PDZD8: variants seen among roughly 807,000 people sequenced by gnomAD.
PDZD8 encodes the protein PDZ domain containing 8, also known as PDZ domain-containing protein 8.
In PDZD8, 14 loss-of-function variants were observed where a neutral mutation model predicts 85.8. The observed-to-expected ratio is 0.16, with a 90% CI of 0.11 to 0.26. The LOEUF is 0.26. Among genes scored for constraint, PDZD8 ranks in the 10% least tolerant of loss-of-function variants. The pLI is 1.00. For missense variants in PDZD8, 1,197 were observed against 1,424.3 expected, an observed-to-expected ratio of 0.84 and a Z score of 2.57; for synonymous variants, 592 against 568.6, an observed-to-expected ratio of 1.04 and a Z score of -0.59.
chr10:117,277,548 A>G lies in PDZD8; in HGVS notation c.*5720T>C, dbSNP rs565650958. On this transcript the variant is annotated 3_prime_UTR_variant, in exon 5 of 5. Coordinates refer to ENST00000334464, the MANE Select transcript of PDZD8 (RefSeq NM_173791.5). ...ATTTTGATGAAATAGGTATTGTGTA[A>G]ATCTATAAATATTTGAATCCAAACC... is the stretch of plus-strand genomic sequence containing the variant. The G allele has an allele frequency of 4.2e-4, 79 of 186,846 alleles. 1 individual carries two copies. Among genetic ancestry groups the G allele is most frequent in the Non-Finnish European group, 5.6e-4 (51 of 91,170 alleles). 11.6% of individuals were successfully genotyped at this position (186,846 alleles called of 1,614,324 possible). A position where few individuals can be genotyped will look rare whatever the true frequency, so the allele number is the denominator to read the frequency against.
intron 1 of PDZD8, among the ~76,000 whole-genome samples, chr10:117,351,605 A>G (rs902600755): frequency 2.0e-5 from 3 of 152,204 alleles, no homozygotes; most frequent in African/African-American, 4.8e-5. Flanking sequence ...TTCACTTTGT[A>G]GACATTCATG....
Position 117,357,130 on chromosome 10 carries a change from C to T in PDZD8, c.873-16028G>A, listed in dbSNP as rs117394021. Among the ~76,000 whole-genome samples the T allele has an allele frequency of 7.7e-3, 1,176 of 152,340 alleles. 6 individuals are homozygous for T. The highest frequency in any genetic ancestry group is 0.014 in the Admixed American group (209 of 15,306). On this transcript the variant is annotated intron_variant, in intron 1 of 4. Transcript: ENST00000334464. ...AATCAGGTCTGGGCACGGTGGCTTACGCCTGTAATCCCAGCACTTTGGAAG... is the reference window on the plus strand; with the variant it reads ...AATCAGGTCTGGGCACGGTGGCTTATGCCTGTAATCCCAGCACTTTGGAAG...
chr10:117,367,501 A>G (rs1188808079), intron 1 of PDZD8, among the ~76,000 whole-genome samples: 1 of 152,254 alleles, frequency 6.6e-6, no homozygotes. Flanking sequence ...TAGAGCAAAG[A>G]TGTAATGTAT....
intron 1 of PDZD8, among the ~76,000 whole-genome samples, chr10:117,365,329 C>G (rs1468433143): frequency 6.6e-6 from 1 of 152,138 alleles, no homozygotes; most frequent in Middle Eastern, 3.4e-3. Flanking sequence ...ACTCAAGATA[C>G]AGTAAGTTTT....
Position 117,316,509 on chromosome 10 carries a change from C to T in PDZD8, c.1098+2363G>A, listed in dbSNP as rs528022537. On this transcript the variant is annotated intron_variant, in intron 3 of 4. Coordinates refer to ENST00000334464, the MANE Select transcript of PDZD8 (RefSeq NM_173791.5). ...CTAAGATAGAAAGACCCTGTCTCTA[C>T]CAAAAAAATAAAAATTAAAAATAAA... 5.3e-5 allele frequency among the ~76,000 whole-genome samples: 8 copies of T among 151,658 alleles called. No individual in the cohort carries two copies. The East Asian group carries it at 1.4e-3, about 26-fold the overall frequency.
At chr10:117,340,695 A>G (rs1379498702) in intron 2 of PDZD8, among the ~76,000 whole-genome samples, 1 of 152,200 alleles carries the variant, frequency 6.6e-6, no homozygotes, top group Non-Finnish European at 1.5e-5. Flanking sequence ...ACAGCTCCCC[A>G]GTAGGTAGAA....
Position 117,296,185 on chromosome 10 carries a change from C to G in PDZD8, c.1099-5837G>C, listed in dbSNP as rs536380527. On this transcript the variant is annotated intron_variant, in intron 3 of 4. Coordinates refer to ENST00000334464, the MANE Select transcript of PDZD8 (RefSeq NM_173791.5). ...GTGTCTCTATATCAGAAAATTATTACAATTAAAATTATAAATTATAGAATA... is the reference window on the plus strand; with the variant it reads ...GTGTCTCTATATCAGAAAATTATTAGAATTAAAATTATAAATTATAGAATA... 4.5e-3 allele frequency among the ~76,000 whole-genome samples: 270 copies of G among 60,150 alleles called. 2 individuals carry two copies. Among genetic ancestry groups the G allele is most frequent in the African/African-American group, 0.011 (252 of 23,732 alleles). The allele number at this position is 60,150 out of a possible 152,430, so 39.5% of individuals were successfully genotyped here. A position where few individuals can be genotyped will look rare whatever the true frequency, so the allele number is the denominator to read the frequency against.
At chr10:117,332,783 A>C (rs1220581903) in intron 2 of PDZD8, among the ~76,000 whole-genome samples, 4 of 150,916 alleles carry the variant, frequency 2.7e-5, no homozygotes, top group Non-Finnish European at 5.9e-5. Context: ...CTGGGATTAC[A>C]GGCGTGAATC....
chr10:117,303,956 T>C (rs1312368500), intron 3 of PDZD8, among the ~76,000 whole-genome samples: 1 of 152,188 alleles, frequency 6.6e-6, no homozygotes, highest in Non-Finnish European at 1.5e-5. Flanking sequence ...CAAAGGGAAA[T>C]GTGGGGTCAG....
chr10:117,291,530 G>GA (rs71013655), intron 3 of PDZD8, among the ~76,000 whole-genome samples: 136,012 of 143,902 alleles, frequency 0.95, 64,276 homozygotes, highest in East Asian at 0.99. Context: ...CTCCACCTCA[G>GA]AAAAAAAAAA....
chr10:117,315,643 G>A (rs529380316), intron 3 of PDZD8, among the ~76,000 whole-genome samples: 37 of 151,378 alleles, frequency 2.4e-4, no homozygotes, highest in African/African-American at 8.2e-4. Flanking sequence ...GGAACTAGGG[G>A]TAAAGCAACT....
Position 117,282,925 on chromosome 10 carries a change from A to G in PDZD8, c.*343T>C. The G allele has an allele frequency of 4.9e-6, 1 of 205,072 alleles. No homozygotes were observed. The highest frequency in any genetic ancestry group is 9.7e-6 in the Non-Finnish European group (1 of 103,042). The allele number at this position is 205,072 out of a possible 1,614,324, so 12.7% of individuals were successfully genotyped here. ...ACAGTATTCTATTTAACACTAATTC[A>G]AAAACCAAGAGGAAGAAAAATAACA... is the stretch of plus-strand genomic sequence containing the variant. On this transcript the variant is annotated 3_prime_UTR_variant, in exon 5 of 5. Coordinates refer to ENST00000334464, the MANE Select transcript of PDZD8 (RefSeq NM_173791.5).
In PDZD8 at chr10:117,280,591, T is replaced by C. The variant is rs1844562190; in HGVS notation, c.*2677A>G. ...ATGTAATATAATACAGCTTTTTTCA[T>C]TGAAGCTTTGTACCTTACTATACTC... On this transcript the variant is annotated 3_prime_UTR_variant, in exon 5 of 5. Coordinates refer to ENST00000334464, the MANE Select transcript of PDZD8 (RefSeq NM_173791.5). 3 of 152,228 alleles carry C rather than the reference T, an allele frequency of 2.0e-5. No individual in the cohort carries two copies. Among genetic ancestry groups the C allele is most frequent in the African/African-American group, 7.2e-5 (3 of 41,464 alleles). The allele number at this position is 152,228 out of a possible 1,614,324, so 9.4% of individuals were successfully genotyped here.
chr10:117,341,593 C>G (rs1257001158), intron 1 of PDZD8, among the ~76,000 whole-genome samples: 1 of 152,146 alleles, frequency 6.6e-6, no homozygotes, highest in African/African-American at 2.4e-5. Flanking sequence ...CACATTCTCC[C>G]ATATGTTTTG....
intron 1 of PDZD8, among the ~76,000 whole-genome samples, chr10:117,369,126 G>A (rs1413607219): frequency 6.7e-6 from 1 of 148,954 alleles, no homozygotes; most frequent in South Asian, 2.1e-4. Flanking sequence ...CAGCCACCAC[G>A]CCAGGCCTGA....
At chr10:117,357,082 T>C (rs1844908268) in intron 1 of PDZD8, among the ~76,000 whole-genome samples, 1 of 152,208 alleles carries the variant, frequency 6.6e-6, no homozygotes, top group Non-Finnish European at 1.5e-5. Context: ...AAGATAATGC[T>C]TATGTTAAAC....
intron 3 of PDZD8, among the ~76,000 whole-genome samples, chr10:117,307,069 A>C (rs1461211845): frequency 2.0e-5 from 3 of 152,140 alleles, no homozygotes; most frequent in Non-Finnish European, 2.9e-5. Flanking sequence ...GATTACTTAC[A>C]TCAGTAGTAA....
At chr10:117,340,439 C>T (rs1298366118) in intron 2 of PDZD8, among the ~76,000 whole-genome samples, 3 of 152,136 alleles carry the variant, frequency 2.0e-5, no homozygotes, top group African/African-American at 4.8e-5. Flanking sequence ...CCTGTTAGGT[C>T]GGTTTAGCCA....
At chr10:117,290,450 A>T (rs1844738723) in intron 3 of PDZD8, 102 bp from the exon 4 acceptor site, 2 of 796,242 alleles carry the variant, frequency 2.5e-6, no homozygotes, top group South Asian at 5.2e-5. Flanking sequence ...ACCATGGCTG[A>T]TGCTGACTTT....
Sources: gnomAD v4.1 joint callset for allele counts (sites outside exome capture counted in the v4.1 genomes callset) on GRCh38, gnomAD v4.1.1 for gene constraint, MANE v1.5 for transcripts, NCBI Gene and HGNC (gene_info 2026-07-23, HGNC 2026-07-21) for gene names.